Variants in HSF5 observed in about 807,000 individuals in gnomAD.
The protein encoded by HSF5 is heat shock transcription factor 5, also known as heat shock factor protein 5.
A neutral mutation model predicts 50.8 loss-of-function variants in HSF5; 5 were observed. The observed-to-expected ratio is 0.10, with a 90% CI of 0.05 to 0.21. The LOEUF (loss-of-function observed/expected upper bound fraction) is 0.21, where lower values mean the gene tolerates loss of function less well. HSF5 is among the 10% of genes least tolerant of loss of function. The probability of loss-of-function intolerance (pLI) is 1.00; values close to 1 mark genes in which losing one functional copy is unlikely to be tolerated. For synonymous variants in HSF5, 307 were observed against 307.4 expected (o/e 1.00, Z 0.02); for missense variants, 564 against 762.6 (o/e 0.74, Z 3.07).
At chr17:58,435,568 A>ATT (rs1567906572) in intron 5 of HSF5, among the ~76,000 whole-genome samples, 1 of 151,746 alleles carries the variant, frequency 6.6e-6, no homozygotes, top group Non-Finnish European at 1.5e-5. Flanking sequence ...AAATAAATAA[A>ATT]TAAATAGAGA....
chr17:58,485,746 C>A (rs1191990341), intron 1 of HSF5, among the ~76,000 whole-genome samples: 94 of 115,570 alleles, frequency 8.1e-4, no homozygotes, highest in South Asian at 8.6e-4. Context: ...AACCCTATCT[C>A]AAAAAAAAAA....
At chr17:58,426,734 T>C (rs1386563292) in intron 5 of HSF5, among the ~76,000 whole-genome samples, 1 of 152,220 alleles carries the variant, frequency 6.6e-6, no homozygotes, top group Non-Finnish European at 1.5e-5. Flanking sequence ...GTACATTTGG[T>C]TTAGGGTAAT....
chr17:58,477,205 C>T (rs1189202036), intron 2 of HSF5, among the ~76,000 whole-genome samples: 3 of 149,702 alleles, frequency 2.0e-5, no homozygotes, highest in Admixed American at 6.6e-5. Context: ...CCACAACCTC[C>T]GCCTCCCAGA....
At position 58,463,009 on chromosome 17, in the gene HSF5, T is replaced by C; in HGVS notation, c.1315A>G (p.Ile439Val). The change falls in exon 4 of 6, where the codon ATT becomes GTT. Residue 439 changes from isoleucine (I) to valine (V), a missense_variant. Coordinates refer to ENST00000323777, the MANE Select transcript of HSF5 (RefSeq NM_001080439.3). ...LEPLTPVGSD[I>V]MSFVVGTEQA... ...TCTGTTCCAACCACAAAAGACATAA[T>C]ATCTGAGCCTACAGGAGTAAGTGGC... 6.2e-7 allele frequency: 1 copy of C among 1,614,216 alleles called. No homozygotes were observed. The highest frequency in any genetic ancestry group is 8.5e-7 in the Non-Finnish European group (1 of 1,180,024).
At position 58,421,194 on chromosome 17, in the gene HSF5, T is replaced by A. The variant is rs1434039732; in HGVS notation, c.*1166A>T. The A allele has an allele frequency of 6.6e-6, 1 of 152,528 alleles. No individual in the cohort carries two copies. Among genetic ancestry groups the A allele is most frequent in the Non-Finnish European group, 1.5e-5 (1 of 68,028 alleles). The allele number at this position is 152,528 out of a possible 1,614,324, so 9.4% of individuals were successfully genotyped here. A position where few individuals can be genotyped will look rare whatever the true frequency, so the allele number is the denominator to read the frequency against. On this transcript the variant is annotated 3_prime_UTR_variant, in exon 6 of 6. Coordinates refer to ENST00000323777, the MANE Select transcript of HSF5 (RefSeq NM_001080439.3). ...TCTCTCCTAAAACACAGTCCCACAA[T>A]CCTACTGCACAAATCTAGAATCCTG...
At chr17:58,439,323 G>C (rs1974469377) in intron 5 of HSF5, among the ~76,000 whole-genome samples, 3 of 149,314 alleles carry the variant, frequency 2.0e-5, no homozygotes, top group Non-Finnish European at 3.0e-5. Flanking sequence ...AAAGAACGTA[G>C]AGGAAACTGA....
chr17:58,446,891 C>A (rs1479709438), intron 5 of HSF5, among the ~76,000 whole-genome samples: 2 of 152,132 alleles, frequency 1.3e-5, no homozygotes, highest in Non-Finnish European at 2.9e-5. Context: ...CTTTGGGAGG[C>A]CGAGGAGGGC....
rs184477640 is a variant in HSF5, at chr17:58,471,861, T to C, written c.926-4882A>G. On this transcript the variant is annotated intron_variant, in intron 2 of 5. Transcript: ENST00000323777. ...TTTAAAGTGTTAATATCTAGGCTTATTTACTTTTTTGAGACAGGGTCTTGA... is the reference window on the plus strand; with the variant it reads ...TTTAAAGTGTTAATATCTAGGCTTACTTACTTTTTTGAGACAGGGTCTTGA... Among the ~76,000 whole-genome samples, 59 of 152,282 alleles carry C rather than the reference T, an allele frequency of 3.9e-4. 1 individual carries two copies. The South Asian group carries it at 6.4e-3, about 17-fold the overall frequency.
Position 58,462,828 on chromosome 17 carries a change from G to A in HSF5, c.1496C>T (p.Ser499Phe). ...KEHLNHNPSP[S>F]SVVFVQEGPP... ...CCCTTCCTGCACAAATACTACTGAA[G>A]ATGGAGATGGATTATGATTTAGGTG... The change falls in exon 4 of 6, where the codon TCT (serine) becomes TTT (phenylalanine). Residue 499 changes from serine to phenylalanine, a missense_variant. Ser to Phe is a radical substitution (Grantham distance 155). This residue lies in a region of HSF5 where 441 missense variants were observed against 533.6 expected (regional missense o/e 0.83). Transcript: ENST00000323777. 6.2e-7 allele frequency: 1 copy of A among 1,613,382 alleles called. No homozygotes were observed. Among genetic ancestry groups the A allele is most frequent in the East Asian group, 2.2e-5 (1 of 44,892 alleles).
intron 2 of HSF5, among the ~76,000 whole-genome samples, chr17:58,467,550 AGT>A (rs1291526878): frequency 6.6e-6 from 1 of 152,256 alleles, no homozygotes; most frequent in East Asian, 1.9e-4. Context: ...TTTACAGCCC[AGT>A]GTAAATTTGA....
chr17:58,487,933 C>G lies in HSF5; in HGVS notation c.342G>C (p.Pro114=). The G allele has an allele frequency of 1.2e-6, 2 of 1,611,168 alleles. No individual in the cohort carries two copies. The highest frequency in any genetic ancestry group is 1.7e-6 in the Non-Finnish European group (2 of 1,179,356). Residue 114 remains proline (P), a synonymous_variant, in exon 1 of 6, where the codon CCG becomes CCC. Coordinates refer to ENST00000323777, the MANE Select transcript of HSF5 (RefSeq NM_001080439.3). ...GNGPLHHFHN[P]HFRRDQPQLL... is the part of the protein sequence containing the mutation. ...GCTGTGGCTGGTCGCGGCGGAAGTGCGGGTTGTGGAAGTGATGGAGCGGCC... is the reference window on the plus strand; with the variant it reads ...GCTGTGGCTGGTCGCGGCGGAAGTGGGGGTTGTGGAAGTGATGGAGCGGCC...
chr17:58,438,526 T>C (rs1974456878), intron 5 of HSF5, among the ~76,000 whole-genome samples: 1 of 152,136 alleles, frequency 6.6e-6, no homozygotes, highest in African/African-American at 2.4e-5. Flanking sequence ...TTGTTATCCA[T>C]GCCAACATAT....
rs766583911 is a variant in HSF5 at position 58,458,835 on chromosome 17, G to A, written c.1653C>T (p.Asp551=). 22 of 1,613,992 alleles carry A rather than the reference G, an allele frequency of 1.4e-5. No individual in the cohort carries two copies. The Admixed American group carries it at 3.5e-4, about 26-fold the overall frequency. ...EMGPASKPSE[D]TGLATPARYR... ...ATCTGGCTGGAGTGGCTAAACCTGT[G>A]TCTTCACTAGGCTTGCTAGCAGGCC... The change falls in exon 5 of 6, where the codon GAC becomes GAT. Residue 551 remains aspartate (D), a synonymous_variant. Coordinates refer to ENST00000323777, the MANE Select transcript of HSF5 (RefSeq NM_001080439.3).
chr17:58,470,697 G>C (rs1419738706), intron 2 of HSF5, among the ~76,000 whole-genome samples: 1 of 152,178 alleles, frequency 6.6e-6, no homozygotes, highest in African/African-American at 2.4e-5. Flanking sequence ...GGAGGCCAAG[G>C]CAGGCGGATC....
intron 1 of HSF5, 34 bp downstream of exon 1, chr17:58,487,691 A>G (rs1975206632): frequency 1.5e-6 from 2 of 1,367,708 alleles, no homozygotes; most frequent in Admixed American, 6.3e-5. Context: ...CCATGTGCCC[A>G]CTGTGGGCGA....
chr17:58,437,037 G>A (rs1184670545), intron 5 of HSF5, among the ~76,000 whole-genome samples: 2 of 152,158 alleles, frequency 1.3e-5, no homozygotes, highest in African/African-American at 4.8e-5. Flanking sequence ...TCATAAAAGT[G>A]TGCTACACAT....
intron 5 of HSF5, among the ~76,000 whole-genome samples, chr17:58,444,127 A>G (rs1364884782): frequency 6.6e-6 from 1 of 152,252 alleles, no homozygotes; most frequent in Non-Finnish European, 1.5e-5. Context: ...TGGACTGGAA[A>G]TATTGTTAAG....
chr17:58,476,896 C>T, intron 2 of HSF5: 1 of 1,088,352 alleles, frequency 9.2e-7, no homozygotes, highest in Non-Finnish European at 1.4e-6. Flanking sequence ...TCTCGTCGGC[C>T]CTGTAGTGGT....
chr17:58,449,518 G>A (rs1974605697), intron 5 of HSF5, among the ~76,000 whole-genome samples: 1 of 151,778 alleles, frequency 6.6e-6, no homozygotes, highest in South Asian at 2.1e-4. Flanking sequence ...TGGCCAACAT[G>A]GTGAAACCCT....
Sources: allele counts gnomAD v4.1 joint callset (sites outside exome capture counted in the v4.1 genomes callset), GRCh38; gene constraint gnomAD v4.1.1; regional missense constraint gnomAD v4.1.1; transcripts MANE v1.5; gene names NCBI Gene and HGNC (gene_info 2026-07-23, HGNC 2026-07-21).